FLACC1: variants seen among roughly 807,000 people sequenced by gnomAD.
FLACC1 encodes flagellum associated containing coiled-coil domains 1.
FLACC1 carries 66 observed loss-of-function variants against 62.8 expected under a neutral mutation model. The observed-to-expected ratio is 1.05, with a 90% CI of 0.86 to 1.29. The LOEUF (loss-of-function observed/expected upper bound fraction) is 1.29. Ranked by LOEUF, FLACC1 falls within the 50% of genes most tolerant of loss-of-function variation. FLACC1 has a pLI of 0.00. For missense variants in FLACC1, 452 were observed against 489.1 expected, an observed-to-expected ratio of 0.92 and a Z score of 0.71; for synonymous variants, 156 against 161.0, an observed-to-expected ratio of 0.97 and a Z score of 0.24.
At chr2:201,355,518 A>G (rs1951102257) in intron 1 of FLACC1, among the ~76,000 whole-genome samples, 2 of 151,984 alleles carry the variant, frequency 1.3e-5, no homozygotes, top group South Asian at 4.2e-4. Context: ...CCTCTTTCCC[A>G]TGATAAACAA....
At position 201,342,993 on chromosome 2, in the gene FLACC1, A is replaced by C. The variant is rs148297953; in HGVS notation, c.463-562T>G. Among the ~76,000 whole-genome samples, 4 of 152,262 alleles carry C rather than the reference A, an allele frequency of 2.6e-5. No individual in the cohort carries two copies. The East Asian group carries it at 7.7e-4, about 29-fold the overall frequency. On this transcript the variant is annotated intron_variant, in intron 6 of 14. Transcript: ENST00000392257. ...TGTCTCAGGATAAATCAATACTTCA[A>C]ATCAGTCGGTGACCACTGTCAGCTA...
upstream of FLACC1, chr2:201,357,350 G>A (rs1474634439): frequency 6.6e-6 from 1 of 152,340 alleles, no homozygotes; most frequent in Middle Eastern, 3.4e-3. Context: ...GAGTTGTGAG[G>A]TTTGCCCTTG....
chr2:201,346,814 C>G lies in FLACC1; in HGVS notation c.235-139G>C. The G allele has an allele frequency of 2.0e-6, 2 of 1,022,636 alleles. No individual in the cohort carries two copies. Among genetic ancestry groups the G allele is most frequent in the Admixed American group, 2.5e-5 (1 of 40,038 alleles). The allele number at this position is 1,022,636 out of a possible 1,614,324, so 63.3% of individuals were successfully genotyped here. On this transcript the variant is annotated intron_variant, in intron 4 of 14. Coordinates refer to ENST00000392257, the MANE Select transcript of FLACC1 (RefSeq NM_001127391.3). This position sits in a 1 kb window ranked among gnomAD's most constrained non-coding sequence, Gnocchi z 4.0. ...GCCCAAGCCCTTCTGGGCCCTTCAC[C>G]CATTATAGCTCATTCTCACATCTCT... is the stretch of plus-strand genomic sequence containing the variant.
In FLACC1 at chr2:201,342,423, A is replaced by G. The variant is rs748777421; in HGVS notation, c.471T>C (p.Ser157=). The part of the protein sequence containing the change: ...DHQSAQKLLS[S]EMDLRCAEMK... ...TCTCAGCACAGCGGAGATCCATTTC[A>G]CTGGAGAGCTGGAAACAAAATCAGC... is the stretch of plus-strand genomic sequence containing the variant. Residue 157 remains serine (S), a synonymous_variant, in exon 7 of 15, where the codon AGT becomes AGC. Transcript: ENST00000392257. 4 of 1,614,136 alleles carry G rather than the reference A, an allele frequency of 2.5e-6. No individual in the cohort carries two copies. In the Admixed American group the frequency reaches 6.7e-5, roughly 27 times the overall value.
Position 201,350,752 on chromosome 2 carries a change from A to AT in FLACC1, c.143dup (p.Asn48LysfsTer27), listed in dbSNP as rs990531657. 2.5e-6 allele frequency: 4 copies of AT among 1,613,538 alleles called. No homozygotes were observed. The highest frequency in any genetic ancestry group is 1.3e-5 in the African/African-American group (1 of 74,908). ...GTTTTGTTGGTTGGAGGTAATTGTG[A>AT]TTTTTTGGAGCTGGTACAAGAGGAG... On this transcript the variant is annotated frameshift_variant, in exon 3 of 15. Transcript: ENST00000392257. LOFTEE classifies it high-confidence loss of function.
At chr2:201,317,726 G>T (rs892992817) in intron 9 of FLACC1, among the ~76,000 whole-genome samples, 1 of 151,860 alleles carries the variant, frequency 6.6e-6, no homozygotes, top group Non-Finnish European at 1.5e-5. Flanking sequence ...AACCAAAAAA[G>T]AACCCACATA....
At chr2:201,341,351 A>C (rs1950804319) in intron 7 of FLACC1, among the ~76,000 whole-genome samples, 1 of 150,456 alleles carries the variant, frequency 6.6e-6, no homozygotes, top group African/African-American at 2.4e-5. Context: ...AATAAATTTT[A>C]TTGTGTATAT....
chr2:201,362,673 G>A, the FLACC1 span, among the ~76,000 whole-genome samples: 17 of 152,358 alleles, frequency 1.1e-4, no homozygotes, highest in African/African-American at 3.4e-4. Context: ...ACTTGGGGAA[G>A]CGGCTTGGAA....
chr2:201,288,877 CT>C (rs1949656555), intron 14 of FLACC1, 96 bp from the exon 15 acceptor site: 1 of 1,398,650 alleles, frequency 7.1e-7, no homozygotes, highest in African/African-American at 1.4e-5. Flanking sequence ...GCCTTCGTTC[CT>C]TCACCACAGC....
intron 11 of FLACC1, among the ~76,000 whole-genome samples, chr2:201,306,445 GA>G (rs1326408411): frequency 6.6e-6 from 1 of 152,104 alleles, no homozygotes; most frequent in Non-Finnish European, 1.5e-5. Context: ...ATGGGGAAAG[GA>G]AAGTATTTTT....
At chr2:201,293,693 G>C (rs963436969) in intron 12 of FLACC1, among the ~76,000 whole-genome samples, 7 of 151,934 alleles carry the variant, frequency 4.6e-5, no homozygotes, top group Non-Finnish European at 1.0e-4. Flanking sequence ...GAAGGAGATA[G>C]AGACACAAAA....
chr2:201,288,629 T>G lies in FLACC1; in HGVS notation c.*26A>C. On this transcript the variant is annotated 3_prime_UTR_variant, in exon 15 of 15. Coordinates refer to ENST00000392257, the MANE Select transcript of FLACC1 (RefSeq NM_001127391.3). ...CTACAGAAATGGTGTGCCAACCATC[T>G]TCAACAATGCAGAGCAACTTTTTGT... 2.5e-6 allele frequency: 4 copies of G among 1,610,738 alleles called. No individual in the cohort carries two copies. Among genetic ancestry groups the G allele is most frequent in the Non-Finnish European group, 3.4e-6 (4 of 1,178,188 alleles).
At chr2:201,318,325 G>A (rs1016870567) in intron 9 of FLACC1, among the ~76,000 whole-genome samples, 3 of 152,164 alleles carry the variant, frequency 2.0e-5, no homozygotes, top group African/African-American at 7.2e-5. Context: ...CAGAGTGGGA[G>A]AAAATCTTCA....
upstream of FLACC1, among the ~76,000 whole-genome samples, chr2:201,359,149 G>A (rs1951162405): frequency 1.3e-5 from 2 of 152,182 alleles, no homozygotes; most frequent in South Asian, 4.1e-4. Context: ...CTGGATGCTG[G>A]GATGAGCGAA....
At chr2:201,345,233 G>A (rs1950887735) in intron 5 of FLACC1, among the ~76,000 whole-genome samples, 1 of 152,214 alleles carries the variant, frequency 6.6e-6, no homozygotes, top group Non-Finnish European at 1.5e-5. Flanking sequence ...AGCAGAGGCT[G>A]AATGCCCCTG....
chr2:201,358,914 C>T (rs1325962516), upstream of FLACC1, among the ~76,000 whole-genome samples: 1 of 152,182 alleles, frequency 6.6e-6, no homozygotes, highest in Non-Finnish European at 1.5e-5. Context: ...GCAGGAGTTA[C>T]TCTTCTAGTC....
In FLACC1 at chr2:201,341,535, G is replaced by GTA. The variant is rs544015887; in HGVS notation, c.524+833_524+834dup. Among the ~76,000 whole-genome samples the GTA allele has an allele frequency of 2.6e-3, 381 of 148,342 alleles. 3 individuals carry two copies. The East Asian group carries it at 0.044, about 17-fold the overall frequency. Reference sequence around the variant, plus strand: ...ATATATAGGTAGAGTTTATATGTATGTATATATATATATACACAAATGGTT... The same window carrying GTA: ...ATATATAGGTAGAGTTTATATGTATGTATATATATATATATACACAAATGGTT... On this transcript the variant is annotated intron_variant, in intron 7 of 14. Coordinates refer to ENST00000392257, the MANE Select transcript of FLACC1 (RefSeq NM_001127391.3).
At chr2:201,315,043 A>G (rs1325448130) in intron 9 of FLACC1, among the ~76,000 whole-genome samples, 2 of 152,190 alleles carry the variant, frequency 1.3e-5, no homozygotes, top group African/African-American at 2.4e-5. Context: ...GGAGCTCTAA[A>G]TCTTGAAACA....
intron 9 of FLACC1, among the ~76,000 whole-genome samples, chr2:201,323,213 T>G (rs1950437931): frequency 6.6e-6 from 1 of 152,322 alleles, no homozygotes; most frequent in South Asian, 2.1e-4. Flanking sequence ...GCTAGAGATC[T>G]AGATATCCAA....
Sources: allele counts gnomAD v4.1 joint callset (sites outside exome capture counted in the v4.1 genomes callset), GRCh38; gene constraint gnomAD v4.1.1; non-coding constraint Gnocchi (gnomAD v3.1); transcripts MANE v1.5; gene names NCBI Gene and HGNC (gene_info 2026-07-23, HGNC 2026-07-21).